Variants in TTBK2 observed in about 807,000 individuals in gnomAD.
The protein encoded by TTBK2 is tau tubulin kinase 2.
In TTBK2, 28 loss-of-function variants were observed where a neutral mutation model predicts 110.8. The ratio of observed to expected loss-of-function variants is 0.25; its 90% CI spans 0.19 to 0.35. TTBK2 has a LOEUF of 0.35. Ranked by LOEUF, TTBK2 falls within the 10% of genes least tolerant of loss-of-function variation. TTBK2 has a pLI of 1.00. For synonymous variants in TTBK2, 532 were observed against 527.3 expected (o/e 1.01, Z -0.12); for missense variants, 1,369 against 1,500.3 (o/e 0.91, Z 1.45).
At chr15:42,870,110 G>C (rs916885248) in intron 3 of TTBK2, among the ~76,000 whole-genome samples, 14 of 152,060 alleles carry the variant, frequency 9.2e-5, no homozygotes, top group African/African-American at 3.4e-4. Flanking sequence ...GGAGGCGGAG[G>C]TTGCAGTGAG....
chr15:42,854,647 GAA>G (rs11347978), intron 3 of TTBK2, among the ~76,000 whole-genome samples: 6 of 121,812 alleles, frequency 4.9e-5, no homozygotes, highest in South Asian at 2.6e-4. Context: ...ATATGCAAGA[GAA>G]AAAAAAAAAA....
chr15:42,784,567 G>A (rs1890326250), intron 10 of TTBK2, among the ~76,000 whole-genome samples: 1 of 152,074 alleles, frequency 6.6e-6, no homozygotes, highest in South Asian at 2.1e-4. Context: ...TGTGAGCCAC[G>A]GCACCCGGCG....
At chr15:42,815,927 T>TA (rs1262797982) in intron 7 of TTBK2, among the ~76,000 whole-genome samples, 5 of 52,468 alleles carry the variant, frequency 9.5e-5, no homozygotes, top group African/African-American at 7.6e-4. Context: ...TATATATATT[T>TA]AAAAATATAT....
At chr15:42,853,625 G>A (rs951916784) in intron 3 of TTBK2, among the ~76,000 whole-genome samples, 3 of 152,144 alleles carry the variant, frequency 2.0e-5, no homozygotes, top group African/African-American at 7.2e-5. Context: ...AGCATAAAGA[G>A]CTAACATGGA....
intron 10 of TTBK2, among the ~76,000 whole-genome samples, chr15:42,793,231 A>C (rs1290008656): frequency 6.6e-6 from 1 of 152,188 alleles, no homozygotes; most frequent in African/African-American, 2.4e-5. Context: ...AGGTCCCAGG[A>C]ATAGGCGTTT....
chr15:42,785,804 T>C (rs1890388572), intron 10 of TTBK2, among the ~76,000 whole-genome samples: 1 of 151,874 alleles, frequency 6.6e-6, no homozygotes, highest in African/African-American at 2.4e-5. Context: ...TGAAACCTCC[T>C]CTTAGAAGTG....
At chr15:42,847,717 G>A (rs1236015106) in intron 3 of TTBK2, among the ~76,000 whole-genome samples, 1 of 152,072 alleles carries the variant, frequency 6.6e-6, no homozygotes. Context: ...ATTATTATTG[G>A]CCTTCTTTGT....
rs2030020812 is a variant in TTBK2, at chr15:42,901,632, A to G, written c.-68+18806T>C. ...CTCGTCTCTAAAAAAAAAAAAAAAG[A>G]ATTTAATTAAAAAAAATTTAAAACT... On this transcript the variant is annotated intron_variant, in intron 1 of 14. Transcript: ENST00000267890. Among the ~76,000 whole-genome samples the G allele has an allele frequency of 3.3e-5, 5 of 151,118 alleles. No homozygotes were observed. In the South Asian group the frequency reaches 1.0e-3, roughly 32 times the overall value.
chr15:42,827,857 G>A, intron 6 of TTBK2, 71 bp downstream of exon 6: 2 of 1,237,034 alleles, frequency 1.6e-6, no homozygotes. Flanking sequence ...AATTAGCATT[G>A]TTTAAAAAGT....
intron 4 of TTBK2, among the ~76,000 whole-genome samples, chr15:42,839,097 T>C (rs898957408): frequency 6.6e-6 from 1 of 152,158 alleles, no homozygotes; most frequent in Non-Finnish European, 1.5e-5. Context: ...ATCCTCCTTC[T>C]TTGCTCCACC....
chr15:42,850,907 AG>A (rs1893677932), intron 3 of TTBK2, among the ~76,000 whole-genome samples: 1 of 152,044 alleles, frequency 6.6e-6, no homozygotes, highest in African/African-American at 2.4e-5. Context: ...AGCAGTTTGC[AG>A]GTGAGAGGCT....
At position 42,739,622 on chromosome 15, in the gene TTBK2, A is replaced by C. The variant is rs1464171117; in HGVS notation, c.*6173T>G. 6.6e-6 allele frequency: 1 copy of C among 152,274 alleles called. No individual in the cohort carries two copies. Among genetic ancestry groups the C allele is most frequent in the East Asian group, 1.9e-4 (1 of 5,206 alleles). 9.4% of individuals were successfully genotyped at this position (152,274 alleles called of 1,614,324 possible). ...TTCAGTCCACCCAATCCAATGTCAA[A>C]GCCCCAAGTGGGCCAGTGTTACCTT... On this transcript the variant is annotated 3_prime_UTR_variant, in exon 15 of 15. Coordinates refer to ENST00000267890, the MANE Select transcript of TTBK2 (RefSeq NM_173500.4).
In TTBK2 at chr15:42,789,935, C is replaced by T. The variant is rs146767200; in HGVS notation, c.980+4709G>A. Among the ~76,000 whole-genome samples the T allele has an allele frequency of 4.9e-3, 740 of 151,412 alleles. 6 individuals are homozygous for T. Among genetic ancestry groups the T allele is most frequent in the Non-Finnish European group, 7.7e-3 (523 of 67,940 alleles). On this transcript the variant is annotated intron_variant, in intron 10 of 14. Coordinates refer to ENST00000267890, the MANE Select transcript of TTBK2 (RefSeq NM_173500.4). ...GGGTATTTAGGTTGTTCCTGTATCTCGGCTATGGTAAATACTGCTGCAGTG... is the reference window on the plus strand; with the variant it reads ...GGGTATTTAGGTTGTTCCTGTATCTTGGCTATGGTAAATACTGCTGCAGTG...
At chr15:42,844,852 A>C (rs1595977007) in intron 3 of TTBK2, among the ~76,000 whole-genome samples, 1 of 152,328 alleles carries the variant, frequency 6.6e-6, no homozygotes, top group Non-Finnish European at 1.5e-5. Flanking sequence ...TAAAACTAAA[A>C]GGGAAAGAAA....
chr15:42,845,612 C>T (rs1016249732), intron 3 of TTBK2, among the ~76,000 whole-genome samples: 8 of 116,736 alleles, frequency 6.9e-5, no homozygotes, highest in African/African-American at 1.4e-4. Flanking sequence ...CCAGCCTGGG[C>T]GACAGAGCAA....
chr15:42,832,535 C>T (rs77771780), intron 4 of TTBK2, among the ~76,000 whole-genome samples: 10,163 of 152,042 alleles, frequency 0.067, 918 homozygotes, highest in African/African-American at 0.2. Context: ...AAAGAAAAAC[C>T]GAAAACACCC....
At chr15:42,892,058 G>A (rs576960294) in intron 1 of TTBK2, among the ~76,000 whole-genome samples, 1 of 152,236 alleles carries the variant, frequency 6.6e-6, no homozygotes, top group South Asian at 2.1e-4. Context: ...CACAAGGAAC[G>A]TACACCAAAA....
chr15:42,837,362 A>G (rs1218260692), intron 4 of TTBK2, among the ~76,000 whole-genome samples: 4 of 150,600 alleles, frequency 2.7e-5, no homozygotes, highest in Non-Finnish European at 5.9e-5. Flanking sequence ...CATCTCAAAA[A>G]AAAAAAAAAA....
rs1051115138 is a variant in TTBK2, at chr15:42,794,777, T to A, written c.847A>T (p.Ser283Cys). ...YQLLTSVFDNSIKTFGVIESD... is the reference protein window; with the variant it reads ...YQLLTSVFDNCIKTFGVIESD... ...TCAATTACTCCAAAAGTCTTGATGC[T>A]ATTGTCAAACACGGATGTAAGAAGC... The change falls in exon 10 of 15, where the codon AGC becomes TGC. Residue 283 changes from serine (S) to cysteine (C), a missense_variant. This residue lies in a region of TTBK2 where 138 missense variants were observed against 179.0 expected (regional missense o/e 0.77). Coordinates refer to ENST00000267890, the MANE Select transcript of TTBK2 (RefSeq NM_173500.4). 1 of 1,614,004 alleles carries A rather than the reference T, an allele frequency of 6.2e-7. No homozygotes were observed. Among genetic ancestry groups the A allele is most frequent in the African/African-American group, 1.3e-5 (1 of 74,870 alleles).
Sources: gnomAD v4.1 joint callset for allele counts (sites outside exome capture counted in the v4.1 genomes callset) on GRCh38, gnomAD v4.1.1 for gene constraint, gnomAD v4.1.1 regional missense constraint, MANE v1.5 for transcripts, NCBI Gene and HGNC (gene_info 2026-07-23, HGNC 2026-07-21) for gene names.